Variants in ASL observed in about 807,000 individuals in gnomAD.
ASL encodes argininosuccinate lyase.
Under a neutral mutation model 69.1 loss-of-function variants are expected in ASL, and 51 were observed. That is an observed-to-expected ratio of 0.74 (90% CI 0.59 to 0.93). The LOEUF (loss-of-function observed/expected upper bound fraction) is 0.93. Ranked by LOEUF, ASL falls within the 40% of genes least tolerant of loss-of-function variation. ASL has a pLI of 0.00. For synonymous variants in ASL, 241 were observed against 247.6 expected, an observed-to-expected ratio of 0.97 and a Z score of 0.25; for missense variants, 540 against 623.9, an observed-to-expected ratio of 0.87 and a Z score of 1.43.
In ASL at chr7:66,087,750, C is replaced by T; in HGVS notation, c.677C>T (p.Thr226Ile). Residue 226 changes from threonine to isoleucine, a missense_variant, in exon 10 of 17, where the codon ACT becomes ATT. Physicochemically the swap from Thr to Ile is moderately conservative, Grantham distance 89 (BLOSUM62 -1). Coordinates refer to ENST00000304874, the MANE Select transcript of ASL (RefSeq NM_000048.4). ...CCAGAACTCAACTTTGGGGCCATCA[C>T]TCTCAACAGCATGGATGCCACTAGT... ...LRAELNFGAI[T>I]LNSMDATSER... is the part of the protein sequence containing the mutation. 6.2e-7 allele frequency: 1 copy of T among 1,614,188 alleles called. No individual in the cohort carries two copies. The highest frequency in any genetic ancestry group is 8.5e-7 in the Non-Finnish European group (1 of 1,180,034).
At chr7:66,091,500 CAG>C (rs751157229) in intron 14 of ASL, among the ~76,000 whole-genome samples, 1 of 152,192 alleles carries the variant, frequency 6.6e-6, no homozygotes, top group African/African-American at 2.4e-5. Context: ...CTCAAGGATG[CAG>C]AGAGCCAGGA....
chr7:66,085,672 A>G (rs576812475), intron 6 of ASL, among the ~76,000 whole-genome samples: 2 of 151,492 alleles, frequency 1.3e-5, no homozygotes, highest in East Asian at 1.9e-4. Flanking sequence ...CAATGGTGCA[A>G]TCTCAACTCA....
In ASL at chr7:66,083,127, G is replaced by C. The variant is rs141584041; in HGVS notation, c.399G>C (p.Ser133=). 1.9e-6 allele frequency: 3 copies of C among 1,613,496 alleles called. No individual in the cohort carries two copies. The highest frequency in any genetic ancestry group is 1.3e-5 in the African/African-American group (1 of 74,976). ...TGCGGCAGACCTGCTCCACGCTCTC[G>C]GGCCTCCTCTGGGAGCTCATTAGGA... is the stretch of plus-strand genomic sequence containing the variant. The part of the protein sequence containing the change: ...LWMRQTCSTL[S]GLLWELIRTM... The change falls in exon 6 of 17, where the codon TCG becomes TCC. Residue 133 remains serine (S), a synonymous_variant. Transcript: ENST00000304874.
At chr7:66,087,960 T>C (rs1424509739) in intron 10 of ASL, among the ~76,000 whole-genome samples, 169 bp downstream of exon 10, 2 of 152,054 alleles carry the variant, frequency 1.3e-5, no homozygotes, top group Admixed American at 1.3e-4. Flanking sequence ...TGGTTCACCA[T>C]GCCCAGCACT....
Position 66,088,811 on chromosome 7 carries a change from G to A in ASL, c.723G>A (p.Glu241=), listed in dbSNP as rs1409068410. ...ACTGGGAACCTTTTCTCCCAGCCGA[G>A]TTCCTGTTCTGGGCTTCGCTGTGCA... ...DATSERDFVA[E]FLFWASLCMT... Residue 241 remains glutamate, a synonymous_variant, in exon 11 of 17, where the codon GAG becomes GAA. Transcript: ENST00000304874. 1.2e-6 allele frequency: 2 copies of A among 1,613,062 alleles called. No homozygotes were observed. The highest frequency in any genetic ancestry group is 2.2e-5 in the East Asian group (1 of 44,870).
Position 66,080,704 on chromosome 7 carries a change from A to C in ASL, c.13-1099A>C, listed in dbSNP as rs1786480511. On this transcript the variant is annotated intron_variant, in intron 2 of 16. Transcript: ENST00000304874. Reference sequence around the variant, plus strand: ...ACGCCACTGCACTCCAGCCTAGGCAACAGAGTGAGACTCTATCTCAAAGAA... The same window carrying C: ...ACGCCACTGCACTCCAGCCTAGGCACCAGAGTGAGACTCTATCTCAAAGAA... 4.6e-5 allele frequency among the ~76,000 whole-genome samples: 7 copies of C among 152,216 alleles called. No individual in the cohort carries two copies. In the South Asian group the frequency reaches 1.4e-3, roughly 31 times the overall value.
intron 10 of ASL, among the ~76,000 whole-genome samples, chr7:66,088,595 G>C (rs1039081790): frequency 6.6e-6 from 1 of 152,184 alleles, no homozygotes; most frequent in Admixed American, 6.5e-5. Flanking sequence ...AATGGCTTAC[G>C]TTTGTAATCC....
At chr7:66,083,277 GGGGGACA>G in intron 6 of ASL, 103 bp downstream of exon 6, 1 of 1,244,292 alleles carries the variant, frequency 8.0e-7, no homozygotes, top group South Asian at 1.3e-5. Flanking sequence ...GCCAGGCCCT[GGGGGACA>G]GGGGCATCCC....
chr7:66,080,162 C>T (rs1333310188), intron 2 of ASL, among the ~76,000 whole-genome samples: 1 of 151,370 alleles, frequency 6.6e-6, no homozygotes, highest in Non-Finnish European at 1.5e-5. Flanking sequence ...GTGGGCAGAT[C>T]ACGAGGTCAG....
rs764430552 is a variant in ASL at position 66,092,963 on chromosome 7, T to C, written c.*51T>C. On this transcript the variant is annotated 3_prime_UTR_variant, in exon 17 of 17. Coordinates refer to ENST00000304874, the MANE Select transcript of ASL (RefSeq NM_000048.4). ...AAGTGGGCGCGAGAGGAGGCTGCTGTGTGTTTCCTGCCCCAGCCTGGCTCC... is the reference window on the plus strand; with the variant it reads ...AAGTGGGCGCGAGAGGAGGCTGCTGCGTGTTTCCTGCCCCAGCCTGGCTCC... 9.1e-5 allele frequency: 142 copies of C among 1,559,170 alleles called. No individual in the cohort carries two copies. The highest frequency in any genetic ancestry group is 1.2e-4 in the Non-Finnish European group (134 of 1,160,426).
Position 66,083,694 on chromosome 7 carries a change from GA to G in ASL, c.446+532del, listed in dbSNP as rs1008093789. Among the ~76,000 whole-genome samples, 359 of 138,286 alleles carry G rather than the reference GA, an allele frequency of 2.6e-3. 1 individual carries two copies. The highest frequency in any genetic ancestry group is 8.1e-3 in the African/African-American group (306 of 37,632). The allele number at this position is 138,286 out of a possible 152,430, so 90.7% of individuals were successfully genotyped here. On this transcript the variant is annotated intron_variant, in intron 6 of 16. Transcript: ENST00000304874. ...GCGAGACTCCTGTCTCAAAAAAAAAGAAAAAAAAAAAAGAAAACTCACCATT... is the reference window on the plus strand; with the variant it reads ...GCGAGACTCCTGTCTCAAAAAAAAAGAAAAAAAAAAAGAAAACTCACCATT...
In ASL at chr7:66,087,061, C is replaced by T. The variant is rs1008576921; in HGVS notation, c.602+240C>T. The T allele has an allele frequency of 3.6e-5, 23 of 640,862 alleles. 1 individual carries two copies. Among genetic ancestry groups the T allele is most frequent in the Middle Eastern group, 4.2e-4 (1 of 2,396 alleles). 39.7% of individuals were successfully genotyped at this position (640,862 alleles called of 1,614,324 possible). A position where few individuals can be genotyped will look rare whatever the true frequency, so the allele number is the denominator to read the frequency against. ...GCCCAGCCTGCTGCCCTCAGCCTGA[C>T]ATGTGGGAACATGTGTCAGGAGACA... On this transcript the variant is annotated intron_variant, in intron 8 of 16. Coordinates refer to ENST00000304874, the MANE Select transcript of ASL (RefSeq NM_000048.4).
chr7:66,093,185 C>T lies in ASL; in HGVS notation c.*273C>T, dbSNP rs1786904855. On this transcript the variant is annotated 3_prime_UTR_variant, in exon 17 of 17. Transcript: ENST00000304874. ...TAAAACAAATAGCCTGGCGTGGTGG[C>T]CCATGCATATAGTCCCAGCTACTTG... The T allele has an allele frequency of 1.9e-6, 1 of 536,762 alleles. No individual in the cohort carries two copies. The highest frequency in any genetic ancestry group is 3.4e-6 in the Non-Finnish European group (1 of 297,774). The allele number at this position is 536,762 out of a possible 1,614,324, so 33.2% of individuals were successfully genotyped here.
intron 2 of ASL, 123 bp from the exon 3 acceptor site, chr7:66,081,680 C>G: frequency 8.4e-7 from 1 of 1,192,662 alleles, no homozygotes; most frequent in East Asian, 2.6e-5. Context: ...CCTTGTCTGC[C>G]CAGTTAGAAT....
At chr7:66,078,307 G>T (rs1283258544) in intron 2 of ASL, among the ~76,000 whole-genome samples, 1 of 152,008 alleles carries the variant, frequency 6.6e-6, no homozygotes. Context: ...GGGGTAAGGG[G>T]CAGGACCAGC....
intron 6 of ASL, among the ~76,000 whole-genome samples, chr7:66,085,952 G>A (rs1786651359): frequency 6.6e-6 from 1 of 152,098 alleles, no homozygotes; most frequent in African/African-American, 2.4e-5. Flanking sequence ...GCTGGGCATG[G>A]TGGCATGTCC....
At position 66,081,899 on chromosome 7, in the gene ASL, G is replaced by T; in HGVS notation, c.109G>T (p.Val37Leu). The part of the protein sequence containing the change: ...SIAYDRHLWE[V>L]DVQGSKAYSR... ...TGCCTACGACCGGCACCTTTGGGAGGTGGATGTTCAAGGCAGCAAAGCCTA... is the reference window on the plus strand; with the variant it reads ...TGCCTACGACCGGCACCTTTGGGAGTTGGATGTTCAAGGCAGCAAAGCCTA... Residue 37 changes from valine (V) to leucine (L), a missense_variant, in exon 3 of 17, where the codon GTG becomes TTG. Physicochemically the swap from Val to Leu is conservative, Grantham distance 32. Coordinates refer to ENST00000304874, the MANE Select transcript of ASL (RefSeq NM_000048.4). The T allele has an allele frequency of 6.2e-7, 1 of 1,614,008 alleles. No homozygotes were observed. Among genetic ancestry groups the T allele is most frequent in the Non-Finnish European group, 8.5e-7 (1 of 1,180,008 alleles).
At position 66,088,869 on chromosome 7, in the gene ASL, A is replaced by C; in HGVS notation, c.781A>C (p.Ile261Leu). ...THLSRMAEDL[I>L]LYCTKEFSFV... ...TCTCAGCAGGATGGCCGAGGACCTC[A>C]TCCTCTACTGCACCAAGGAATTCAG... is the stretch of plus-strand genomic sequence containing the variant. Residue 261 changes from isoleucine to leucine, a missense_variant, in exon 11 of 17, where the codon ATC (isoleucine) becomes CTC (leucine). Coordinates refer to ENST00000304874, the MANE Select transcript of ASL (RefSeq NM_000048.4). 2.5e-6 allele frequency: 4 copies of C among 1,614,080 alleles called. No homozygotes were observed. Among genetic ancestry groups the C allele is most frequent in the Non-Finnish European group, 3.4e-6 (4 of 1,180,026 alleles).
intron 1 of ASL, 43 bp from the exon 2 acceptor site, chr7:66,075,996 C>A: frequency 6.5e-7 from 1 of 1,538,430 alleles, no homozygotes; most frequent in Non-Finnish European, 8.8e-7. Context: ...GCCCGGGGGA[C>A]CCTGCTGGCC....
Sources: allele counts gnomAD v4.1 joint callset (sites outside exome capture counted in the v4.1 genomes callset), GRCh38; gene constraint gnomAD v4.1.1; transcripts MANE v1.5; gene names NCBI Gene and HGNC (gene_info 2026-07-23, HGNC 2026-07-21).